DKC1: variants seen among roughly 807,000 people sequenced by gnomAD.
DKC1 encodes H/ACA ribonucleoprotein complex subunit DKC1.
Under a neutral mutation model 46.7 loss-of-function variants are expected in DKC1, and 4 were observed. The observed-to-expected ratio is 0.09, with a 90% CI of 0.04 to 0.20. The LOEUF (loss-of-function observed/expected upper bound fraction) is 0.20. DKC1 is among the 10% of genes least tolerant of loss of function. The probability of loss-of-function intolerance (pLI) is 1.00; values close to 1 mark genes in which losing one functional copy is unlikely to be tolerated. For missense variants in DKC1, 171 were observed against 404.2 expected, an observed-to-expected ratio of 0.42 and a Z score of 4.95; for synonymous variants, 141 against 142.4, an observed-to-expected ratio of 0.99 and a Z score of 0.07.
chrX:154,764,817 G>T (rs782155803), intron 1 of DKC1, 82 bp from the exon 2 acceptor site: 5 of 699,308 alleles, frequency 7.1e-6, no homozygotes, highest in Middle Eastern at 5.9e-4. Flanking sequence ...TTTCCTACCT[G>T]CCCTAATTTC....
Position 154,775,233 on chromosome X carries a change from A to G in DKC1, c.1298A>G (p.Lys433Arg), listed in dbSNP as rs2071881685. The G allele has an allele frequency of 8.3e-7, 1 of 1,210,676 alleles. No individual in the cohort carries two copies. Among genetic ancestry groups the G allele is most frequent in the Non-Finnish European group, 1.1e-6 (1 of 895,399 alleles). Residue 433 changes from lysine to arginine, a missense_variant, in exon 13 of 15, where the codon AAA (lysine) becomes AGA (arginine). Lys to Arg is a conservative substitution (Grantham distance 26, BLOSUM62 2). Around this residue, in one of 4 missense-constraint regions of DKC1, gnomAD observed 54 missense variants for 64.4 expected, o/e 0.84. Transcript: ENST00000369550. ...AKKEVVAEVV[K>R]APQVVAEAAK... ...AAAGAGGTGGTTGCTGAAGTGGTAA[A>G]AGCCCCGCAGGTAGTTGCCGAAGCA... is the stretch of plus-strand genomic sequence containing the variant.
At chrX:154,769,415 C>T in intron 9 of DKC1, 105 bp downstream of exon 9, 1 of 907,017 alleles carries the variant, frequency 1.1e-6, no homozygotes, top group Middle Eastern at 2.9e-4. Context: ...TTTTCAAGTC[C>T]AAACCAAGTA....
At chrX:154,765,123 A>G (rs1419355332) in intron 2 of DKC1, 157 bp downstream of exon 2, 2 of 514,440 alleles carry the variant, frequency 3.9e-6, no homozygotes, top group Admixed American at 2.9e-5. Flanking sequence ...ACACAGCCCC[A>G]GACAGTCCAA....
intron 9 of DKC1, among the ~76,000 whole-genome samples, chrX:154,770,467 TAAAAAA>T (rs150045442): frequency 4.4e-5 from 3 of 67,790 alleles, no homozygotes; most frequent in African/African-American, 5.8e-5. Context: ...GCCTGAAAAT[TAAAAAA>T]AAAAAAAAAA....
chrX:154,767,334 A>T lies in DKC1; in HGVS notation c.592A>T (p.Thr198Ser). 3.3e-6 allele frequency: 4 copies of T among 1,211,558 alleles called. No individual in the cohort carries two copies. Among genetic ancestry groups the T allele is most frequent in the Non-Finnish European group, 4.5e-6 (4 of 895,243 alleles). The change falls in exon 7 of 15, where the codon ACC (threonine) becomes TCC (serine). Residue 198 changes from threonine to serine, a missense_variant. Thr to Ser is a moderately conservative substitution (Grantham distance 58). Transcript: ENST00000369550. ...AAVKRQLRVR[T>S]IYESKMIEYD... Reference sequence around the variant, plus strand: ...AGTAAAGAGGCAGCTCCGAGTGAGGACCATCTACGAGAGCAAAATGATTGA... The same window carrying T: ...AGTAAAGAGGCAGCTCCGAGTGAGGTCCATCTACGAGAGCAAAATGATTGA...
intron 5 of DKC1, 169 bp downstream of exon 5, chrX:154,766,569 G>A: frequency 2.0e-6 from 1 of 501,025 alleles, no homozygotes; most frequent in Non-Finnish European, 3.3e-6. Flanking sequence ...GATCTTGGTG[G>A]TCCGCGCTTT....
At chrX:154,767,891 C>T (rs1323879364) in intron 7 of DKC1, 2 of 139,314 alleles carry the variant, frequency 1.4e-5, no homozygotes, top group Non-Finnish European at 2.6e-5. Context: ...CGCTCTGTCG[C>T]CCAGGCTGGA....
chrX:154,762,941 C>CG lies in DKC1; in HGVS notation c.-23dup. 8.5e-7 allele frequency: 1 copy of CG among 1,177,543 alleles called. No individual in the cohort carries two copies. The highest frequency in any genetic ancestry group is 1.1e-6 in the Non-Finnish European group (1 of 877,751). On this transcript the variant is annotated 5_prime_UTR_variant, in exon 1 of 15. Coordinates refer to ENST00000369550, the MANE Select transcript of DKC1 (RefSeq NM_001363.5). The stretch of plus-strand genomic sequence containing the variant: ...GTCGTTCCCTCGGCTGTGGACCGGG[C>CG]GGCACGCACGCGGTGCAGGGTAACA...
intron 1 of DKC1, 77 bp from the exon 2 acceptor site, chrX:154,764,822 A>G: frequency 1.3e-6 from 1 of 762,210 alleles, no homozygotes; most frequent in Non-Finnish European, 2.0e-6. Context: ...TACCTGCCCT[A>G]ATTTCGGTCT....
rs1387703244 is a variant in DKC1 at position 154,773,100 on chromosome X, A to C, written c.1037-31A>C. 9.9e-6 allele frequency: 10 copies of C among 1,014,060 alleles called. No individual in the cohort carries two copies. The East Asian group carries it at 2.8e-4, about 28-fold the overall frequency. The allele number at this position is 1,014,060 out of a possible 1,213,427, so 83.6% of individuals were successfully genotyped here. A position where few individuals can be genotyped will look rare whatever the true frequency, so the allele number is the denominator to read the frequency against. On this transcript the variant is annotated intron_variant, in intron 10 of 14. Transcript: ENST00000369550. ...CAATTATCAATTCTTTCACCCTTCAAATAATTCTTTTCTTTATTCAATGCC... is the reference window on the plus strand; with the variant it reads ...CAATTATCAATTCTTTCACCCTTCACATAATTCTTTTCTTTATTCAATGCC...
intron 1 of DKC1, among the ~76,000 whole-genome samples, chrX:154,763,696 G>A (rs2071709647): frequency 8.9e-6 from 1 of 111,872 alleles, no homozygotes; most frequent in East Asian, 2.8e-4. Flanking sequence ...ACATCAGAGG[G>A]CTCTTACACA....
At chrX:154,768,957 G>A (rs2071786777) in intron 8 of DKC1, among the ~76,000 whole-genome samples, 1 of 89,196 alleles carries the variant, frequency 1.1e-5, no homozygotes, top group Non-Finnish European at 2.1e-5. Context: ...ACTGCAGTCC[G>A]CAGTCCCACC....
intron 14 of DKC1, 72 bp from the exon 15 acceptor site, chrX:154,776,727 G>C: frequency 9.4e-7 from 1 of 1,060,638 alleles, no homozygotes; most frequent in Non-Finnish European, 1.3e-6. Flanking sequence ...ACCTTTACCA[G>C]ATTTCCTTCT....
chrX:154,767,124 C>T, intron 6 of DKC1, 63 bp downstream of exon 6: 4 of 1,180,812 alleles, frequency 3.4e-6, no homozygotes, highest in Non-Finnish European at 4.6e-6. Context: ...CCCTAAACAT[C>T]TGGAGATGGG....
At chrX:154,770,409 C>T (rs782589831) in intron 9 of DKC1, among the ~76,000 whole-genome samples, 1 of 103,080 alleles carries the variant, frequency 9.7e-6, no homozygotes, top group Admixed American at 1.1e-4. Context: ...TTGCAGTGAG[C>T]CGAGAATGTG....
At chrX:154,763,076 G>A (rs2071701065) in intron 1 of DKC1, 95 bp downstream of exon 1, 11 of 1,027,732 alleles carry the variant, frequency 1.1e-5, no homozygotes, top group Non-Finnish European at 1.3e-5. Flanking sequence ...GCCTCCCTCT[G>A]GTTCCCGCCG....
In DKC1 at chrX:154,776,279, G is replaced by A. The variant is rs3752356; in HGVS notation, c.1431G>A (p.Lys477=). The A allele has an allele frequency of 6.7e-4, 814 of 1,207,553 alleles. 14 individuals carry two copies. In the East Asian group the frequency reaches 0.023, roughly 34 times the overall value. Residue 477 remains lysine, a synonymous_variant, in exon 14 of 15, where the codon AAG becomes AAA. Coordinates refer to ENST00000369550, the MANE Select transcript of DKC1 (RefSeq NM_001363.5). The stretch of plus-strand genomic sequence containing the variant: ...AAAAGAAGAAGAGTAAGAAGGACAA[G>A]AAGGCCAAAGCTGGTCTGGAGAGCG... The part of the protein sequence containing the change: ...KKEKKKSKKD[K]KAKAGLESGA...
chrX:154,774,118 G>C (rs1399892172), intron 11 of DKC1, among the ~76,000 whole-genome samples: 1 of 112,412 alleles, frequency 8.9e-6, no homozygotes, highest in Non-Finnish European at 1.9e-5. Flanking sequence ...GTCTAATGAG[G>C]GGAAACAGTT....
At chrX:154,766,172 A>G (rs1557264137) in intron 4 of DKC1, 44 bp from the exon 5 acceptor site, 1 of 1,157,717 alleles carries the variant, frequency 8.6e-7, no homozygotes, top group East Asian at 3.0e-5. Context: ...TCACTGGAGC[A>G]TTAAGAGTGG....
Sources: allele counts gnomAD v4.1 joint callset (sites outside exome capture counted in the v4.1 genomes callset), GRCh38; gene constraint gnomAD v4.1.1; regional missense constraint gnomAD v4.1.1; transcripts MANE v1.5; gene names NCBI Gene and HGNC (gene_info 2026-07-23, HGNC 2026-07-21).